The following FRMD3 variants were observed in gnomAD, a reference collection of about 807,000 sequenced individuals.
The protein encoded by FRMD3 is FERM domain-containing protein 3.
A neutral mutation model predicts 70.2 loss-of-function variants in FRMD3; 33 were observed. The ratio of observed to expected loss-of-function variants is 0.47; its 90% CI spans 0.36 to 0.63. The LOEUF is 0.63. Ranked by LOEUF, FRMD3 falls within the 20% of genes least tolerant of loss-of-function variation. FRMD3 has a pLI of 0.00. For missense variants in FRMD3, 632 were observed against 711.4 expected (o/e 0.89, Z 1.27); for synonymous variants, 279 against 255.9 (o/e 1.09, Z -0.86).
At chr9:83,386,282 A>G (rs1229620573) in intron 2 of FRMD3, among the ~76,000 whole-genome samples, 1 of 152,236 alleles carries the variant, frequency 6.6e-6, no homozygotes, top group Non-Finnish European at 1.5e-5. Context: ...AGCTACACTC[A>G]CATCGTATCC....
chr9:83,531,680 A>G (rs1829794587), intron 1 of FRMD3, among the ~76,000 whole-genome samples: 1 of 152,230 alleles, frequency 6.6e-6, no homozygotes, highest in African/African-American at 2.4e-5. Context: ...CAGGATCATC[A>G]TGGGGCCTGA....
rs542302698 is a variant in FRMD3 at position 83,425,967 on chromosome 9, G to A, written c.148-36259C>T. On this transcript the variant is annotated intron_variant, in intron 1 of 13. Transcript: ENST00000304195. Reference sequence around the variant, plus strand: ...CCTTGCGTGGAGAACAGGGCTAGAAGAGGAAGAGATTATTAAACCTCACAG... The same window carrying A: ...CCTTGCGTGGAGAACAGGGCTAGAAAAGGAAGAGATTATTAAACCTCACAG... 7.5e-5 allele frequency among the ~76,000 whole-genome samples: 11 copies of A among 147,376 alleles called. No individual in the cohort carries two copies. The South Asian group carries it at 2.2e-3, about 29-fold the overall frequency.
At chr9:83,287,353 T>A (rs1834259698) in intron 13 of FRMD3, among the ~76,000 whole-genome samples, 1 of 152,196 alleles carries the variant, frequency 6.6e-6, no homozygotes, top group Non-Finnish European at 1.5e-5. Flanking sequence ...CAAAAAGAAC[T>A]GTCTAGCTCA....
At chr9:83,422,128 G>A (rs1826663670) in intron 1 of FRMD3, among the ~76,000 whole-genome samples, 1 of 152,220 alleles carries the variant, frequency 6.6e-6, no homozygotes, top group African/African-American at 2.4e-5. Context: ...GGGAGGCTGA[G>A]GCAGGAGAAT....
At position 83,462,585 on chromosome 9, in the gene FRMD3, G is replaced by A. The variant is rs111462718; in HGVS notation, c.148-72877C>T. Reference sequence around the variant, plus strand: ...CTAGTACATTGTTTCCATGGTAACCGCTTTCCAGGTTCCTGGAATCTCCCT... The same window carrying A: ...CTAGTACATTGTTTCCATGGTAACCACTTTCCAGGTTCCTGGAATCTCCCT... On this transcript the variant is annotated intron_variant, in intron 1 of 13. Transcript: ENST00000304195. Among the ~76,000 whole-genome samples the A allele has an allele frequency of 7.0e-3, 1,063 of 152,110 alleles. 12 individuals are homozygous for A. Among genetic ancestry groups the A allele is most frequent in the African/African-American group, 0.024 (998 of 41,488 alleles).
the FRMD3 span, among the ~76,000 whole-genome samples, chr9:83,577,536 C>T: frequency 6.6e-6 from 1 of 151,998 alleles, no homozygotes; most frequent in Admixed American, 6.6e-5. Flanking sequence ...CCATTCCTCA[C>T]CATATATACA....
the FRMD3 span, among the ~76,000 whole-genome samples, chr9:83,579,470 A>G: frequency 6.6e-6 from 1 of 152,108 alleles, no homozygotes; most frequent in Admixed American, 6.6e-5. Context: ...AAGACTGTAA[A>G]TAAACCCACA....
chr9:83,570,732 T>TA, the FRMD3 span, among the ~76,000 whole-genome samples: 1 of 152,140 alleles, frequency 6.6e-6, no homozygotes, highest in African/African-American at 2.4e-5. Context: ...TGATCTGACT[T>TA]ACAAACTGAC....
chr9:83,584,231 G>C, the FRMD3 span, among the ~76,000 whole-genome samples: 1 of 152,064 alleles, frequency 6.6e-6, no homozygotes, highest in South Asian at 2.1e-4. Flanking sequence ...AGCTACTCGG[G>C]ACCTGGGAGA....
chr9:83,261,510 G>C (rs117033301), intron 13 of FRMD3, among the ~76,000 whole-genome samples: 1 of 152,042 alleles, frequency 6.6e-6, no homozygotes, highest in Non-Finnish European at 1.5e-5. Flanking sequence ...TACTCTCTTG[G>C]TTTCCATCCA....
chr9:83,436,540 C>A, intron 1 of FRMD3, among the ~76,000 whole-genome samples: 1 of 148,932 alleles, frequency 6.7e-6, no homozygotes, highest in East Asian at 2.0e-4. Context: ...CTTCAGGAAG[C>A]AATAAAGAGA....
intron 1 of FRMD3, among the ~76,000 whole-genome samples, chr9:83,514,881 T>C (rs1829420729): frequency 6.6e-6 from 1 of 152,042 alleles, no homozygotes; most frequent in African/African-American, 2.4e-5. Context: ...GCATGACTGT[T>C]AGAAGGAAAA....
chr9:83,329,880 A>C lies in FRMD3; in HGVS notation c.596+5636T>G, dbSNP rs1836183821. ...ATGAACTGGTGATGAGAGGAAGAAAAGACTAGCTGAGTAGAAACTCTAGGA... is the reference window on the plus strand; with the variant it reads ...ATGAACTGGTGATGAGAGGAAGAAACGACTAGCTGAGTAGAAACTCTAGGA... On this transcript the variant is annotated intron_variant, in intron 6 of 13. Coordinates refer to ENST00000304195, the MANE Select transcript of FRMD3 (RefSeq NM_174938.6). Among the ~76,000 whole-genome samples, 5 of 152,340 alleles carry C rather than the reference A, an allele frequency of 3.3e-5. No individual in the cohort carries two copies. The South Asian group carries it at 1.0e-3, about 32-fold the overall frequency.
intron 13 of FRMD3, among the ~76,000 whole-genome samples, chr9:83,284,061 A>ATTTTTTTTTTTTTTTTTTTTTGTTTT (rs1834089536): frequency 9.8e-6 from 1 of 101,712 alleles, no homozygotes; most frequent in Non-Finnish European, 2.0e-5. Context: ...CTAGGATGTT[A>ATTTTTTTTTTTTTTTTTTTTTGTTTT]TTTTTTTTTT....
At chr9:83,514,811 C>A (rs1829419324) in intron 1 of FRMD3, among the ~76,000 whole-genome samples, 1 of 152,152 alleles carries the variant, frequency 6.6e-6, no homozygotes, top group Non-Finnish European at 1.5e-5. Context: ...CTGGTGATAC[C>A]CAGGCAAATG....
chr9:83,541,513 C>G (rs982753086), upstream of FRMD3, among the ~76,000 whole-genome samples: 8 of 152,224 alleles, frequency 5.3e-5, no homozygotes, highest in African/African-American at 1.9e-4. Flanking sequence ...CCTGAGGGGG[C>G]ATCCACCAAG....
At chr9:83,576,921 T>C in the FRMD3 span, among the ~76,000 whole-genome samples, 1 of 152,108 alleles carries the variant, frequency 6.6e-6, no homozygotes, top group African/African-American at 2.4e-5. Context: ...ATATACAAAA[T>C]ATGCACTATC....
At chr9:83,313,091 TCA>T (rs1322519985) in intron 7 of FRMD3, among the ~76,000 whole-genome samples, 15 of 152,330 alleles carry the variant, frequency 9.8e-5, no homozygotes, top group Non-Finnish European at 1.9e-4. Flanking sequence ...TCTATAAGTA[TCA>T]CACCTTGGGA....
At chr9:83,438,234 C>T (rs1827192921) in intron 1 of FRMD3, among the ~76,000 whole-genome samples, 1 of 152,098 alleles carries the variant, frequency 6.6e-6, no homozygotes, top group East Asian at 1.9e-4. Context: ...AACATTACTC[C>T]AAAGAAACAG....
Sources: allele counts gnomAD v4.1 joint callset (sites outside exome capture counted in the v4.1 genomes callset), GRCh38; gene constraint gnomAD v4.1.1; transcripts MANE v1.5; gene names NCBI Gene and HGNC (gene_info 2026-07-23, HGNC 2026-07-21).